The following FGF13 variants were observed in gnomAD, a reference collection of about 807,000 sequenced individuals.
FGF13 encodes the protein fibroblast growth factor 13, also known as fibroblast growth factor homologous factor 2.
FGF13 carries 2 observed loss-of-function variants against 19.5 expected under a neutral mutation model. That is an observed-to-expected ratio of 0.10 (90% CI 0.04 to 0.32). FGF13 has a LOEUF of 0.32. Among genes scored for constraint, FGF13 ranks in the 10% least tolerant of loss-of-function variants. The pLI is 1.00. For synonymous variants in FGF13, 72 were observed against 76.9 expected, an observed-to-expected ratio of 0.94 and a Z score of 0.33; for missense variants, 113 against 192.7, an observed-to-expected ratio of 0.59 and a Z score of 2.45.
At chrX:138,652,940 T>C (rs977044774) in intron 3 of FGF13, among the ~76,000 whole-genome samples, 6 of 112,386 alleles carry the variant, frequency 5.3e-5, no homozygotes, top group African/African-American at 1.9e-4. Context: ...ACTCCTTGTA[T>C]TGAACCAAAC....
At chrX:139,087,883 T>C (rs1455369076) in intron 1 of FGF13, among the ~76,000 whole-genome samples, 1 of 112,179 alleles carries the variant, frequency 8.9e-6, no homozygotes, top group Non-Finnish European at 1.9e-5. Context: ...GATCTTTGTA[T>C]AGATTAATTT....
At chrX:138,970,771 T>C (rs2091912549) in intron 1 of FGF13, among the ~76,000 whole-genome samples, 1 of 110,995 alleles carries the variant, frequency 9.0e-6, no homozygotes, top group African/African-American at 3.3e-5. Context: ...CCACTTATTC[T>C]CCATACTTTT....
chrX:139,198,189 CA>C (rs1205551380), intron 1 of FGF13, among the ~76,000 whole-genome samples: 1 of 110,617 alleles, frequency 9.0e-6, no homozygotes, highest in Non-Finnish European at 1.9e-5. Context: ...CATGTTACTA[CA>C]GGTAAATTTC....
intron 1 of FGF13, among the ~76,000 whole-genome samples, chrX:138,934,250 A>G (rs951080121): frequency 2.6e-4 from 29 of 111,555 alleles, no homozygotes; most frequent in Admixed American, 2.4e-3. Context: ...AAATGTGGCA[A>G]CAGCTGTAAA....
At chrX:138,962,661 A>C (rs182245540) in intron 1 of FGF13, among the ~76,000 whole-genome samples, 1,737 of 112,373 alleles carry the variant, frequency 0.015, 19 homozygotes, top group Admixed American at 0.034. Flanking sequence ...AATACTATGC[A>C]GCCATAAAAA....
At position 139,051,828 on chromosome X, in the gene FGF13, C is replaced by T. The variant is rs989520622; in HGVS notation, c.-113+151588G>A. Among the ~76,000 whole-genome samples, 16 of 112,208 alleles carry T rather than the reference C, an allele frequency of 1.4e-4. No individual in the cohort carries two copies. The South Asian group carries it at 2.6e-3, about 18-fold the overall frequency. On this transcript the variant is annotated intron_variant, in intron 1 of 2. Transcript: ENST00000421460. ...GAGAGTTCAAGGTTAAGCATTATGACGGATTTCAGCCATGTTCTAAAACTT... is the reference window on the plus strand; with the variant it reads ...GAGAGTTCAAGGTTAAGCATTATGATGGATTTCAGCCATGTTCTAAAACTT...
At chrX:139,048,963 G>A (rs1024970058) in intron 1 of FGF13, among the ~76,000 whole-genome samples, 1 of 111,424 alleles carries the variant, frequency 9.0e-6, no homozygotes, top group African/African-American at 3.3e-5. Flanking sequence ...TAACAATGGG[G>A]AAATCCCTGT....
At chrX:138,904,192 G>C (rs912338818) in intron 1 of FGF13, among the ~76,000 whole-genome samples, 1 of 111,516 alleles carries the variant, frequency 9.0e-6, no homozygotes. Context: ...ACAGTGGCTC[G>C]TGTCAAGATA....
rs200542682 is a variant in FGF13, at chrX:138,669,340, G to GA, written c.402+33643dup. 6.7e-3 allele frequency among the ~76,000 whole-genome samples: 738 copies of GA among 110,810 alleles called. 12 individuals are homozygous for GA. The highest frequency in any genetic ancestry group is 0.023 in the African/African-American group (712 of 30,488). The stretch of plus-strand genomic sequence containing the variant: ...TACTGATGCAATTTCATAAAGGATG[G>GA]AAAAATCCTACAGTTATTGTAGTGA... On this transcript the variant is annotated intron_variant, in intron 3 of 4. Coordinates refer to ENST00000315930, the MANE Select transcript of FGF13 (RefSeq NM_004114.5).
At position 139,158,452 on chromosome X, in the gene FGF13, T is replaced by G. The variant is rs143168299; in HGVS notation, c.-113+44964A>C. The stretch of plus-strand genomic sequence containing the variant: ...AGGGGCATCATACATTACTGAGGCT[T>G]GAGTAGGCAGGTTTCCCCTCACAGT... On this transcript the variant is annotated intron_variant, in intron 1 of 2. Coordinates refer to the FGF13 transcript ENST00000421460. 9.7e-3 allele frequency among the ~76,000 whole-genome samples: 1,069 copies of G among 110,354 alleles called. 15 individuals carry two copies. Among genetic ancestry groups the G allele is most frequent in the African/African-American group, 0.034 (1,018 of 30,293 alleles).
At chrX:139,076,545 T>G (rs762228179) in intron 1 of FGF13, among the ~76,000 whole-genome samples, 1 of 112,187 alleles carries the variant, frequency 8.9e-6, no homozygotes, top group Non-Finnish European at 1.9e-5. Flanking sequence ...GTGGGTGGTG[T>G]CTTTTTAATT....
chrX:139,023,712 C>T (rs189779460), intron 1 of FGF13, among the ~76,000 whole-genome samples: 28 of 110,571 alleles, frequency 2.5e-4, no homozygotes, highest in South Asian at 3.8e-4. Context: ...GAATATCATG[C>T]GGTAGAAGAT....
chrX:138,691,227 T>C (rs1397359512), intron 3 of FGF13, among the ~76,000 whole-genome samples: 1 of 111,690 alleles, frequency 9.0e-6, no homozygotes, highest in Non-Finnish European at 1.9e-5. Context: ...AAAGAGGCTC[T>C]TTCATTAACA....
chrX:138,624,086 T>A lies in FGF13; in HGVS notation c.*8764A>T, dbSNP rs1367825408. The A allele has an allele frequency of 9.0e-6, 1 of 111,566 alleles. No individual in the cohort carries two copies. Among genetic ancestry groups the A allele is most frequent in the Non-Finnish European group, 1.9e-5 (1 of 53,121 alleles). 9.2% of individuals were successfully genotyped at this position (111,566 alleles called of 1,213,427 possible). ...ATTTTTTACAGAAATAGAAAAAAAA[T>A]TCTTAAAACCTTATGGAACCACCTA... On this transcript the variant is annotated 3_prime_UTR_variant, in exon 5 of 5. Coordinates refer to ENST00000315930, the MANE Select transcript of FGF13 (RefSeq NM_004114.5).
At chrX:138,973,637 G>C (rs907251588) in intron 1 of FGF13, among the ~76,000 whole-genome samples, 1 of 111,310 alleles carries the variant, frequency 9.0e-6, no homozygotes, top group African/African-American at 3.3e-5. Flanking sequence ...TTCCCTTTTA[G>C]GTCTATTAAT....
At chrX:138,990,960 T>C (rs1010185630) in intron 1 of FGF13, among the ~76,000 whole-genome samples, 10 of 112,149 alleles carry the variant, frequency 8.9e-5, no homozygotes, top group Non-Finnish European at 1.7e-4. Flanking sequence ...GATCATACGC[T>C]GGATTCTAGC....
chrX:138,768,738 G>GATATATATATATAT (rs1207173971), intron 3 of FGF13, among the ~76,000 whole-genome samples: 2 of 94,767 alleles, frequency 2.1e-5, no homozygotes, highest in African/African-American at 8.4e-5. Context: ...ATATATATAT[G>GATATATATATATAT]ATATATATAT....
intron 1 of FGF13, among the ~76,000 whole-genome samples, chrX:138,982,809 C>T (rs2091969399): frequency 8.9e-6 from 1 of 111,945 alleles, no homozygotes; most frequent in Non-Finnish European, 1.9e-5. Context: ...CTTCTTTGAC[C>T]CTCAATTTCT....
intron 1 of FGF13, among the ~76,000 whole-genome samples, chrX:139,004,323 CG>C (rs1274807269): frequency 3.5e-5 from 4 of 112,853 alleles, no homozygotes; most frequent in African/African-American, 1.3e-4. Context: ...GTTCTGAGTG[CG>C]GGGCCCGCCA....
Sources: allele counts gnomAD v4.1 joint callset (sites outside exome capture counted in the v4.1 genomes callset), GRCh38; gene constraint gnomAD v4.1.1; transcripts MANE v1.5; gene names NCBI Gene and HGNC (gene_info 2026-07-23, HGNC 2026-07-21).